The following PCDHGA1 variants were observed in gnomAD, a reference collection of about 807,000 sequenced individuals.
PCDHGA1 encodes protocadherin gamma subfamily A, 1.
PCDHGA1 carries 32 observed loss-of-function variants against 58.0 expected under a neutral mutation model. That is an observed-to-expected ratio of 0.55 (90% CI 0.42 to 0.74). The LOEUF (loss-of-function observed/expected upper bound fraction) is 0.74. Among genes scored for constraint, PCDHGA1 ranks in the 30% least tolerant of loss-of-function variants. The pLI is 0.00. For synonymous variants in PCDHGA1, 498 were observed against 501.1 expected, an observed-to-expected ratio of 0.99 and a Z score of 0.08; for missense variants, 1,205 against 1,182.3, an observed-to-expected ratio of 1.02 and a Z score of -0.28.
rs1382855379 is a variant in PCDHGA1 at position 141,361,380 on chromosome 5, C to T, written c.2421+28275C>T. 6 of 1,613,850 alleles carry T rather than the reference C, an allele frequency of 3.7e-6. 1 individual carries two copies. In the African/African-American group the frequency reaches 4.0e-5, roughly 11 times the overall value. ...ACGGCGCTCTGGACCGGGAGGAGAT[C>T]CCAGAATACAATCTCACCATCACAG... On this transcript the variant is annotated intron_variant, in intron 1 of 3. Transcript: ENST00000517417.
chr5:141,387,634 G>A, intron 1 of PCDHGA1: 3 of 589,412 alleles, frequency 5.1e-6, no homozygotes, highest in South Asian at 2.4e-5. Flanking sequence ...TCTGGGCGCC[G>A]CTGTTGGCCA....
intron 1 of PCDHGA1, chr5:141,440,036 A>T (rs540100930): frequency 6.5e-6 from 1 of 153,058 alleles, no homozygotes; most frequent in Non-Finnish European, 1.5e-5. Context: ...TGTCGAGGAC[A>T]TGCCCACTTG....
In PCDHGA1 at chr5:141,352,297, C is replaced by T. The variant is rs1426254602; in HGVS notation, c.2421+19192C>T. 2.5e-6 allele frequency: 4 copies of T among 1,613,952 alleles called. No individual in the cohort carries two copies. The African/African-American group carries it at 4.0e-5, about 16-fold the overall frequency. On this transcript the variant is annotated intron_variant, in intron 1 of 3. Transcript: ENST00000517417. ...TCAGCGACCGCCCTGAGCCCTCTGA[C>T]CCCCAGACGGAACTGCAGTTTTACC...
chr5:141,497,100 T>A (rs886445893), intron 2 of PCDHGA1, among the ~76,000 whole-genome samples: 2 of 151,774 alleles, frequency 1.3e-5, no homozygotes, highest in Non-Finnish European at 2.9e-5. Context: ...GAGGCAGAAC[T>A]GCTTGAACCC....
intron 1 of PCDHGA1, among the ~76,000 whole-genome samples, chr5:141,363,455 C>A (rs1762933034): frequency 6.6e-6 from 1 of 152,226 alleles, no homozygotes; most frequent in Admixed American, 6.5e-5. Flanking sequence ...TACTTCTCGA[C>A]AAGTATCTGC....
chr5:141,476,053 A>G lies in PCDHGA1; in HGVS notation c.2422-18754A>G. 2 of 1,501,944 alleles carry G rather than the reference A, an allele frequency of 1.3e-6. No homozygotes were observed. Among genetic ancestry groups the G allele is most frequent in the Non-Finnish European group, 1.8e-6 (2 of 1,131,392 alleles). 93.0% of individuals were successfully genotyped at this position (1,501,944 alleles called of 1,614,324 possible). ...CAGCGCCCAAGCGCTAACCCGCTGA[A>G]AGTTTCTCAGCGAAATCTCAGGGAC... On this transcript the variant is annotated intron_variant, in intron 1 of 3. Coordinates refer to ENST00000517417, the MANE Select transcript of PCDHGA1 (RefSeq NM_018912.3). The surrounding 1 kb of genome is among the most constrained non-coding windows in gnomAD (Gnocchi z 7.6).
At chr5:141,496,050 G>A (rs1232836015) in intron 2 of PCDHGA1, among the ~76,000 whole-genome samples, 2 of 149,892 alleles carry the variant, frequency 1.3e-5, no homozygotes, top group Non-Finnish European at 3.0e-5. Flanking sequence ...ATTTTTTTGT[G>A]CTTGTGGGCA....
chr5:141,410,849 C>CTTTTTTTTTTT lies in PCDHGA1; in HGVS notation c.2421+77756_2421+77766dup, dbSNP rs759346998. On this transcript the variant is annotated intron_variant, in intron 1 of 3. Coordinates refer to ENST00000517417, the MANE Select transcript of PCDHGA1 (RefSeq NM_018912.3). ...CAGACTGAAGATATTTTGTCTTTGT[C>CTTTTTTTTTTT]TTTTTTTTTTTTTTTTTTTTTTGAG... 217 of 138,154 alleles carry CTTTTTTTTTTT rather than the reference C, an allele frequency of 1.6e-3. 10 individuals carry two copies. The highest frequency in any genetic ancestry group is 4.0e-3 in the African/African-American group (66 of 16,622). The allele number at this position is 138,154 out of a possible 1,614,324, so 8.6% of individuals were successfully genotyped here.
At chr5:141,505,983 C>G (rs1235662535) in intron 3 of PCDHGA1, among the ~76,000 whole-genome samples, 1 of 152,148 alleles carries the variant, frequency 6.6e-6, no homozygotes, top group Non-Finnish European at 1.5e-5. Context: ...GAGAGAACAC[C>G]TCCTCTTTAT....
At chr5:141,510,677 A>G (rs2099882239) in intron 3 of PCDHGA1, among the ~76,000 whole-genome samples, 2 of 152,212 alleles carry the variant, frequency 1.3e-5, no homozygotes, top group African/African-American at 4.8e-5. Context: ...CTGAAGTGGC[A>G]TAAGGAGGTT....
intron 1 of PCDHGA1, among the ~76,000 whole-genome samples, chr5:141,462,355 A>T (rs1592773702): frequency 6.6e-6 from 1 of 152,226 alleles, no homozygotes; most frequent in East Asian, 1.9e-4. Context: ...AAAAATATAC[A>T]TTGTATAGTT....
intron 1 of PCDHGA1, chr5:141,423,296 T>G (rs771340929): frequency 6.2e-7 from 1 of 1,614,124 alleles, no homozygotes; most frequent in Non-Finnish European, 8.5e-7. Context: ...ACCTCAGACC[T>G]CTCGCTGTAC....
intron 1 of PCDHGA1, chr5:141,357,777 C>G: frequency 1.1e-6 from 1 of 905,134 alleles, no homozygotes; most frequent in Non-Finnish European, 1.6e-6. Context: ...CAATAATGAT[C>G]AACAGTATTT....
chr5:141,358,546 G>T (rs1278401378), intron 1 of PCDHGA1, among the ~76,000 whole-genome samples: 1 of 152,144 alleles, frequency 6.6e-6, no homozygotes, highest in East Asian at 1.9e-4. Flanking sequence ...TCTTGTTGCT[G>T]TTCTGAGATG....
At chr5:141,347,049 TTCCTCCTTCCTTCCTTCCTTC>T (rs1757852847) in intron 1 of PCDHGA1, among the ~76,000 whole-genome samples, 1 of 147,134 alleles carries the variant, frequency 6.8e-6, no homozygotes, top group Admixed American at 6.7e-5. Flanking sequence ...CTCTCTCTCT[TTCCTCCTTCCTTCCTTCCTTC>T]CTCTCTCTCT....
rs1391017504 is a variant in PCDHGA1 at position 141,490,732 on chromosome 5, G to GTTCAGGGAGCCCCAGCCTCCTCCT, written c.2422-4072_2422-4049dup. 6.2e-7 allele frequency: 1 copy of GTTCAGGGAGCCCCAGCCTCCTCCT among 1,614,070 alleles called. No individual in the cohort carries two copies. Among genetic ancestry groups the GTTCAGGGAGCCCCAGCCTCCTCCT allele is most frequent in the Non-Finnish European group, 8.5e-7 (1 of 1,180,050 alleles). On this transcript the variant is annotated intron_variant, in intron 1 of 3. Coordinates refer to ENST00000517417, the MANE Select transcript of PCDHGA1 (RefSeq NM_018912.3). This position sits in a 1 kb window ranked among gnomAD's most constrained non-coding sequence, Gnocchi z 5.4. ...CACCTACTCCATTGTAGGAAATCAG[G>GTTCAGGGAGCCCCAGCCTCCTCCT]TTCAGGGAGCCCCAGCCTCCTCCTT...
chr5:141,487,069 T>C lies in PCDHGA1; in HGVS notation c.2422-7738T>C, dbSNP rs750739955. 26 of 1,614,160 alleles carry C rather than the reference T, an allele frequency of 1.6e-5. No homozygotes were observed. Among genetic ancestry groups the C allele is most frequent in the Non-Finnish European group, 2.0e-5 (24 of 1,180,002 alleles). On this transcript the variant is annotated intron_variant, in intron 1 of 3. Transcript: ENST00000517417. This position sits in a 1 kb window ranked among gnomAD's most constrained non-coding sequence, Gnocchi z 5.0. The stretch of plus-strand genomic sequence containing the variant: ...ATGCTGGGGAGGTGCGGACGGCTGT[T>C]CCTATCCCAGCTGACCTCCCACCAC...
At chr5:141,351,399 G>T (rs752842629) in intron 1 of PCDHGA1, 4 of 1,611,448 alleles carry the variant, frequency 2.5e-6, no homozygotes, top group Non-Finnish European at 3.4e-6. Flanking sequence ...ATGGTGACAT[G>T]CTATACTCAG....
Position 141,491,670 on chromosome 5 carries a change from C to T in PCDHGA1, c.2422-3137C>T. The T allele has an allele frequency of 2.5e-6, 4 of 1,613,768 alleles. No individual in the cohort carries two copies. Among genetic ancestry groups the T allele is most frequent in the South Asian group, 1.1e-5 (1 of 91,082 alleles). On this transcript the variant is annotated intron_variant, in intron 1 of 3. Coordinates refer to ENST00000517417, the MANE Select transcript of PCDHGA1 (RefSeq NM_018912.3). The surrounding 1 kb of genome is among the most constrained non-coding windows in gnomAD (Gnocchi z 6.9). ...CGCTGGAGCCTGACGCCATCCGGTC[C>T]CGCTCTAATACGCTGCGGGAGCGGA...
Sources: allele counts gnomAD v4.1 joint callset (sites outside exome capture counted in the v4.1 genomes callset), GRCh38; gene constraint gnomAD v4.1.1; non-coding constraint Gnocchi (gnomAD v3.1); transcripts MANE v1.5; gene names NCBI Gene and HGNC (gene_info 2026-07-23, HGNC 2026-07-21).